Variants in ABHD2 observed in about 807,000 individuals in gnomAD.
ABHD2 encodes abhydrolase domain containing 2, acylglycerol lipase, also known as monoacylglycerol lipase ABHD2.
A neutral mutation model predicts 48.1 loss-of-function variants in ABHD2; 20 were observed. The observed-to-expected ratio is 0.42, with a 90% CI of 0.29 to 0.60. The LOEUF (loss-of-function observed/expected upper bound fraction) is 0.60. ABHD2 is among the 20% of genes least tolerant of loss of function. The pLI is 0.24. For missense variants in ABHD2, 405 were observed against 550.9 expected, an observed-to-expected ratio of 0.74 and a Z score of 2.65; for synonymous variants, 209 against 214.2, an observed-to-expected ratio of 0.98 and a Z score of 0.21.
upstream of ABHD2, among the ~76,000 whole-genome samples, chr15:89,085,078 C>T (rs1901330454): frequency 6.6e-6 from 1 of 152,218 alleles, no homozygotes; most frequent in South Asian, 2.1e-4. The surrounding 1 kb of genome is among the most constrained non-coding windows in gnomAD (Gnocchi z 4.2). Flanking sequence ...GCTCCAACCA[C>T]TGCTCCCTGC....
At position 89,201,749 on chromosome 15, in the gene ABHD2, G is replaced by T; in HGVS notation, c.*6326G>T. 3 of 1,560,914 alleles carry T rather than the reference G, an allele frequency of 1.9e-6. No individual in the cohort carries two copies. Among genetic ancestry groups the T allele is most frequent in the South Asian group, 2.2e-5 (2 of 89,938 alleles). Reference sequence around the variant, plus strand: ...CTTTGAATTTGAGGTCTATGGGCGGGTCGAGGACCAGGATCTGCTCGTGCT... The same window carrying T: ...CTTTGAATTTGAGGTCTATGGGCGGTTCGAGGACCAGGATCTGCTCGTGCT... On this transcript the variant is annotated 3_prime_UTR_variant, in exon 11 of 11. Transcript: ENST00000352732.
intron 3 of ABHD2, among the ~76,000 whole-genome samples, chr15:89,134,311 TC>T (rs2050268257): frequency 6.6e-6 from 1 of 152,240 alleles, no homozygotes; most frequent in Non-Finnish European, 1.5e-5. Flanking sequence ...GTTTCATCCT[TC>T]CAGAATTTAT....
At chr15:89,081,058 G>A in the ABHD2 span, among the ~76,000 whole-genome samples, 2 of 150,728 alleles carry the variant, frequency 1.3e-5, no homozygotes, top group East Asian at 1.9e-4. Context: ...GGAGTACAGT[G>A]GCACAATCAC....
the ABHD2 span, among the ~76,000 whole-genome samples, chr15:89,064,913 G>A: frequency 1.3e-5 from 2 of 152,060 alleles, no homozygotes; most frequent in South Asian, 4.1e-4. Context: ...AACCTCAGAA[G>A]CACCTGCAGG....
chr15:89,154,650 C>T (rs2050642827), intron 4 of ABHD2, among the ~76,000 whole-genome samples: 1 of 152,172 alleles, frequency 6.6e-6, no homozygotes. Context: ...CCCCCTTCTG[C>T]ATTTAGCATT....
chr15:89,042,838 T>A, the ABHD2 span, among the ~76,000 whole-genome samples: 1 of 151,828 alleles, frequency 6.6e-6, no homozygotes, highest in Admixed American at 6.6e-5. Context: ...TTTTCTTTTT[T>A]TGCATTTTTA....
the ABHD2 span, among the ~76,000 whole-genome samples, chr15:89,073,163 A>G: frequency 6.6e-6 from 1 of 152,154 alleles, no homozygotes; most frequent in Non-Finnish European, 1.5e-5. Flanking sequence ...TACTCAGAAA[A>G]TTCCCACTTC....
chr15:89,200,838 T>C lies in ABHD2; in HGVS notation c.*5415T>C. 3.2e-6 allele frequency: 1 copy of C among 309,612 alleles called. No homozygotes were observed. Among genetic ancestry groups the C allele is most frequent in the Non-Finnish European group, 6.1e-6 (1 of 163,304 alleles). 19.2% of individuals were successfully genotyped at this position (309,612 alleles called of 1,614,324 possible). On this transcript the variant is annotated 3_prime_UTR_variant, in exon 11 of 11. Transcript: ENST00000352732. Reference sequence around the variant, plus strand: ...TGGCTCACTCCTGTAATCCCAGCACTTTGGAGGCCGAGGCGGGTAGATCAC... The same window carrying C: ...TGGCTCACTCCTGTAATCCCAGCACCTTGGAGGCCGAGGCGGGTAGATCAC...
the ABHD2 span, among the ~76,000 whole-genome samples, chr15:89,067,173 A>C: frequency 6.6e-6 from 1 of 151,448 alleles, no homozygotes; most frequent in Admixed American, 6.5e-5. Flanking sequence ...GGCCAATGCT[A>C]GTATGGAGGC....
the ABHD2 span, among the ~76,000 whole-genome samples, chr15:89,066,862 G>T: frequency 6.6e-6 from 1 of 152,240 alleles, no homozygotes; most frequent in Non-Finnish European, 1.5e-5. Flanking sequence ...TTGCACAGTG[G>T]CATGGCACAG....
At chr15:89,078,461 G>A in the ABHD2 span, among the ~76,000 whole-genome samples, 18 of 152,270 alleles carry the variant, frequency 1.2e-4, no homozygotes, top group East Asian at 1.9e-4. Context: ...TAAACAGATC[G>A]TTGCATTTGG....
In ABHD2 at chr15:89,092,037, A is replaced by T. The variant is rs293376; in HGVS notation, c.-107+3474A>T. On this transcript the variant is annotated intron_variant, in intron 1 of 10. Transcript: ENST00000352732. This position sits in a 1 kb window ranked among gnomAD's most constrained non-coding sequence, Gnocchi z 4.4. ...CTGTTTCTTTGTTGATACCATACAG[A>T]TGCTACATTATCTCCTTTCAGGATT... Among the ~76,000 whole-genome samples, 3 of 152,178 alleles carry T rather than the reference A, an allele frequency of 2.0e-5. No individual in the cohort carries two copies. Among genetic ancestry groups the T allele is most frequent in the Admixed American group, 1.3e-4 (2 of 15,300 alleles).
rs1212834884 is a variant in ABHD2 at position 89,167,072 on chromosome 15, AC to A, written c.539-8738del. 6.6e-6 allele frequency among the ~76,000 whole-genome samples: 1 copy of A among 152,194 alleles called. No homozygotes were observed. Among genetic ancestry groups the A allele is most frequent in the African/African-American group, 2.4e-5 (1 of 41,436 alleles). On this transcript the variant is annotated intron_variant, in intron 5 of 10. Transcript: ENST00000352732. The surrounding 1 kb of genome is among the most constrained non-coding windows in gnomAD (Gnocchi z 5.5). The stretch of plus-strand genomic sequence containing the variant: ...GAGAGACTAGGATGTAGGGTTACCT[AC>A]CTTTAGCATGCTGTAGAGATCACCC...
At chr15:89,077,455 C>T in the ABHD2 span, among the ~76,000 whole-genome samples, 2 of 152,072 alleles carry the variant, frequency 1.3e-5, no homozygotes, top group African/African-American at 2.4e-5. Flanking sequence ...TGTTATTGTC[C>T]GTGTGTTTCT....
At chr15:89,117,273 G>T (rs533546065) in intron 3 of ABHD2, among the ~76,000 whole-genome samples, 15 of 152,266 alleles carry the variant, frequency 9.9e-5, no homozygotes, top group Admixed American at 9.8e-4. Context: ...TGATCTGCCC[G>T]CCTTGGCCTC....
In ABHD2 at chr15:89,173,783, T is replaced by A. The variant is rs1567103865; in HGVS notation, c.539-2029T>A. On this transcript the variant is annotated intron_variant, in intron 5 of 10. Transcript: ENST00000352732. The surrounding 1 kb of genome is among the most constrained non-coding windows in gnomAD (Gnocchi z 6.5). ...TGAAGGCCTGCAAACTGCCCCAGCC[T>A]CTGCTGAGTGTAAGAGGGAGAAAAA... 6.6e-6 allele frequency among the ~76,000 whole-genome samples: 1 copy of A among 152,174 alleles called. No homozygotes were observed. The highest frequency in any genetic ancestry group is 1.5e-5 in the Non-Finnish European group (1 of 68,030).
At chr15:89,150,793 T>TTTA (rs781199471) in intron 3 of ABHD2, among the ~76,000 whole-genome samples, 35 of 152,122 alleles carry the variant, frequency 2.3e-4, no homozygotes, top group Non-Finnish European at 4.6e-4. Context: ...ACGACTCCAG[T>TTTA]TTATATAGGA....
rs776421311 is a variant in ABHD2, at chr15:89,167,658, G to A, written c.539-8154G>A. Among the ~76,000 whole-genome samples, 41 of 152,178 alleles carry A rather than the reference G, an allele frequency of 2.7e-4. No individual in the cohort carries two copies. Among genetic ancestry groups the A allele is most frequent in the Non-Finnish European group, 5.9e-5 (4 of 68,022 alleles). On this transcript the variant is annotated intron_variant, in intron 5 of 10. Transcript: ENST00000352732. The surrounding 1 kb of genome is among the most constrained non-coding windows in gnomAD (Gnocchi z 5.5). ...TAAAATCCTTATTTCAGAGATAAGG[G>A]CAAGGCCAACTAATTTGATAGCACA...
intron 4 of ABHD2, among the ~76,000 whole-genome samples, chr15:89,152,077 G>GTTTTTTTTTTTTTTTTTTTTTTTTTTTT (rs34458230): frequency 7.1e-6 from 1 of 139,888 alleles, no homozygotes; most frequent in African/African-American, 2.6e-5. Context: ...TTGTAGAATA[G>GTTTTTTTTTTTTTTTTTTTTTTTTTTTT]TTTTTTTTTT....
Sources: allele counts gnomAD v4.1 joint callset (sites outside exome capture counted in the v4.1 genomes callset), GRCh38; gene constraint gnomAD v4.1.1; non-coding constraint Gnocchi (gnomAD v3.1); transcripts MANE v1.5; gene names NCBI Gene and HGNC (gene_info 2026-07-23, HGNC 2026-07-21).